KCNJ12: variants seen among roughly 807,000 people sequenced by gnomAD.
KCNJ12 encodes ATP-sensitive inward rectifier potassium channel 12.
In KCNJ12, 2 loss-of-function variants were observed where a neutral mutation model predicts 22.3. That is an observed-to-expected ratio of 0.09 (90% CI 0.04 to 0.28). KCNJ12 has a LOEUF of 0.28. Among genes scored for constraint, KCNJ12 ranks in the 10% least tolerant of loss-of-function variants. The pLI, the probability that KCNJ12 is intolerant of heterozygous loss-of-function variation, is 1.00. For missense variants in KCNJ12, 155 were observed against 633.3 expected, an observed-to-expected ratio of 0.24 and a Z score of 8.11; for synonymous variants, 117 against 261.4, an observed-to-expected ratio of 0.45 and a Z score of 5.33.
intron 2 of KCNJ12, among the ~76,000 whole-genome samples, chr17:21,414,240 C>T (rs1271886761): frequency 2.0e-5 from 3 of 152,366 alleles, no homozygotes; most frequent in East Asian, 1.9e-4. Flanking sequence ...TTCAGGAGGC[C>T]GAGGCAGGTG....
intron 2 of KCNJ12, among the ~76,000 whole-genome samples, chr17:21,410,209 G>A (rs1906240473): frequency 6.6e-6 from 1 of 152,190 alleles, no homozygotes; most frequent in African/African-American, 2.4e-5. Flanking sequence ...CCTGGGCAGG[G>A]CCTGCCATGA....
chr17:21,379,377 G>A (rs1303300096), intron 1 of KCNJ12, among the ~76,000 whole-genome samples: 5 of 152,288 alleles, frequency 3.3e-5, no homozygotes, highest in East Asian at 1.9e-4. Flanking sequence ...TGGTACACAC[G>A]GTGCCCACCC....
chr17:21,379,962 G>A (rs1005872567), intron 1 of KCNJ12, among the ~76,000 whole-genome samples: 1 of 152,182 alleles, frequency 6.6e-6, no homozygotes, highest in Non-Finnish European at 1.5e-5. Context: ...TGCAGACAGG[G>A]ATTGGAGGCC....
chr17:21,416,509 G>A lies in KCNJ12; in HGVS notation c.1167G>A (p.Glu389=), dbSNP rs1555562964. 4 of 1,613,440 alleles carry A rather than the reference G, an allele frequency of 2.5e-6. No individual in the cohort carries two copies. In the East Asian group the frequency reaches 8.9e-5, roughly 36 times the overall value. ...NELAFLSRDE[E]DEADGDQDGR... is the part of the protein sequence containing the mutation. Reference sequence around the variant, plus strand: ...TGGCCTTCCTGAGCCGTGACGAGGAGGATGAGGCGGACGGAGACCAGGACG... The same window carrying A: ...TGGCCTTCCTGAGCCGTGACGAGGAAGATGAGGCGGACGGAGACCAGGACG... Residue 389 remains glutamate, a synonymous_variant, in exon 3 of 3, where the codon GAG becomes GAA. Transcript: ENST00000583088.
chr17:21,408,519 G>A lies in KCNJ12; in HGVS notation c.-178G>A, dbSNP rs1297661495. 1 of 152,506 alleles carries A rather than the reference G, an allele frequency of 6.6e-6. No individual in the cohort carries two copies. Among genetic ancestry groups the A allele is most frequent in the Non-Finnish European group, 1.5e-5 (1 of 68,130 alleles). 9.4% of individuals were successfully genotyped at this position (152,506 alleles called of 1,614,324 possible). On this transcript the variant is annotated splice_region_variant and 5_prime_UTR_variant, in exon 2 of 3. Coordinates refer to ENST00000583088, the MANE Select transcript of KCNJ12 (RefSeq NM_021012.5). ...CTTGGCTTTACTCTTTTAACTTTAGGATGTTCTAGTGACTGGATCCTTTCC... is the reference window on the plus strand; with the variant it reads ...CTTGGCTTTACTCTTTTAACTTTAGAATGTTCTAGTGACTGGATCCTTTCC...
chr17:21,414,205 C>T (rs1327678773), intron 2 of KCNJ12, among the ~76,000 whole-genome samples: 119 of 151,876 alleles, frequency 7.8e-4, no homozygotes, highest in African/African-American at 2.5e-3. Flanking sequence ...AAAGAGAAAA[C>T]GTCTCACGCC....
At chr17:21,406,477 G>A (rs1312141458) in intron 1 of KCNJ12, among the ~76,000 whole-genome samples, 1 of 152,310 alleles carries the variant, frequency 6.6e-6, no homozygotes, top group Admixed American at 6.5e-5. Flanking sequence ...GGCTGAGAGA[G>A]GCAAAGTGTA....
At position 21,419,431 on chromosome 17, in the gene KCNJ12, A is replaced by AC. The variant is rs1189793058; in HGVS notation, c.*2791dup. 1 of 166,432 alleles carries AC rather than the reference A, an allele frequency of 6.0e-6. No individual in the cohort carries two copies. Among genetic ancestry groups the AC allele is most frequent in the Non-Finnish European group, 1.5e-5 (1 of 68,004 alleles). The allele number at this position is 166,432 out of a possible 1,614,324, so 10.3% of individuals were successfully genotyped here. A position where few individuals can be genotyped will look rare whatever the true frequency, so the allele number is the denominator to read the frequency against. ...TCAGGTTGGGCACTGGCACAGGTGA[A>AC]CCCCACAGTCCCCGACCCTCTGCCC... On this transcript the variant is annotated 3_prime_UTR_variant, in exon 3 of 3. Transcript: ENST00000583088.
intron 1 of KCNJ12, among the ~76,000 whole-genome samples, chr17:21,387,298 C>T (rs1407438878): frequency 4.2e-5 from 6 of 142,350 alleles, no homozygotes; most frequent in East Asian, 2.2e-4. Context: ...AAAAATTAGC[C>T]GGGCGTGGTG....
At chr17:21,387,419 C>A (rs1450764509) in intron 1 of KCNJ12, among the ~76,000 whole-genome samples, 1 of 119,430 alleles carries the variant, frequency 8.4e-6, no homozygotes, top group Non-Finnish European at 1.6e-5. Context: ...TCCAGCCTGG[C>A]GACAGAGCGA....
intron 1 of KCNJ12, among the ~76,000 whole-genome samples, chr17:21,403,089 T>TG (rs1472229066): frequency 1.3e-5 from 2 of 152,312 alleles, no homozygotes; most frequent in Non-Finnish European, 2.9e-5. Flanking sequence ...GCAAGGGACT[T>TG]GGGGAAATCA....
chr17:21,400,927 A>G (rs2142061966), intron 1 of KCNJ12, among the ~76,000 whole-genome samples: 1 of 152,424 alleles, frequency 6.6e-6, no homozygotes, highest in South Asian at 2.1e-4. Context: ...GGGAGCAGGG[A>G]GGAGAGCTGT....
At chr17:21,409,970 T>C (rs2364026) in intron 2 of KCNJ12, among the ~76,000 whole-genome samples, 4 of 151,836 alleles carry the variant, frequency 2.6e-5, no homozygotes, top group East Asian at 1.9e-4. Context: ...GGGGATTGGG[T>C]GTAAGAGGTC....
chr17:21,404,714 T>C (rs1415616589), intron 1 of KCNJ12, among the ~76,000 whole-genome samples: 1 of 152,186 alleles, frequency 6.6e-6, no homozygotes, highest in South Asian at 2.1e-4. Flanking sequence ...AGGGCCTCTG[T>C]TCTCTGCTTC....
intron 2 of KCNJ12, among the ~76,000 whole-genome samples, chr17:21,414,799 G>A (rs76494889): frequency 2.6e-3 from 396 of 152,206 alleles, no homozygotes; most frequent in Non-Finnish European, 4.8e-3. Flanking sequence ...TGGGAGGTGA[G>A]GTCCGAGGGG....
chr17:21,388,864 GC>G (rs374462571), intron 1 of KCNJ12, among the ~76,000 whole-genome samples: 1,905 of 151,886 alleles, frequency 0.013, 24 homozygotes, highest in African/African-American at 0.031. Flanking sequence ...GCCCCGCTGG[GC>G]CCCCCCCGAG....
Position 21,399,168 on chromosome 17 carries a change from G to A in KCNJ12, c.-178-9351G>A, listed in dbSNP as rs115946372. Reference sequence around the variant, plus strand: ...ATGGAGCGAAGCTGCCGTCCCCCATGCCTGCTTCTGGCCTTGCACCCCAGC... The same window carrying A: ...ATGGAGCGAAGCTGCCGTCCCCCATACCTGCTTCTGGCCTTGCACCCCAGC... On this transcript the variant is annotated intron_variant, in intron 1 of 2. Coordinates refer to ENST00000583088, the MANE Select transcript of KCNJ12 (RefSeq NM_021012.5). Among the ~76,000 whole-genome samples, 1,295 of 152,308 alleles carry A rather than the reference G, an allele frequency of 8.5e-3. 12 individuals are homozygous for A. The highest frequency in any genetic ancestry group is 0.029 in the African/African-American group (1,224 of 41,562).
chr17:21,379,640 G>A (rs1904795989), intron 1 of KCNJ12, among the ~76,000 whole-genome samples: 1 of 152,228 alleles, frequency 6.6e-6, no homozygotes, highest in Non-Finnish European at 1.5e-5. Context: ...AGGTGCGGTG[G>A]GTGGGGGCTC....
intron 1 of KCNJ12, among the ~76,000 whole-genome samples, chr17:21,380,056 C>T (rs1285941789): frequency 6.6e-6 from 1 of 152,164 alleles, no homozygotes; most frequent in Non-Finnish European, 1.5e-5. Flanking sequence ...CACCTTCCCC[C>T]ATTCCACAGA....
Sources: allele counts gnomAD v4.1 joint callset (sites outside exome capture counted in the v4.1 genomes callset), GRCh38; gene constraint gnomAD v4.1.1; transcripts MANE v1.5; gene names NCBI Gene and HGNC (gene_info 2026-07-23, HGNC 2026-07-21).